Variants in ALPK1 observed in about 807,000 individuals in gnomAD.
ALPK1 encodes alpha kinase 1, also known as alpha-protein kinase 1.
ALPK1 carries 110 observed loss-of-function variants against 120.6 expected under a neutral mutation model. The ratio of observed to expected loss-of-function variants is 0.91; its 90% CI spans 0.78 to 1.07. The LOEUF (loss-of-function observed/expected upper bound fraction) is 1.07, where lower values mean the gene tolerates loss of function less well. Among genes scored for constraint, ALPK1 ranks in the 50% least tolerant of loss-of-function variants. The probability of loss-of-function intolerance (pLI) is 0.00; values close to 1 mark genes in which losing one functional copy is unlikely to be tolerated. For synonymous variants in ALPK1, 582 were observed against 560.3 expected, an observed-to-expected ratio of 1.04 and a Z score of -0.55; for missense variants, 1,498 against 1,483.9, an observed-to-expected ratio of 1.01 and a Z score of -0.16.
chr4:112,439,789 A>C lies in ALPK1; in HGVS notation c.3455A>C (p.Tyr1152Ser), dbSNP rs1734951301. The change falls in exon 14 of 16, where the codon TAC (tyrosine) becomes TCC (serine). Residue 1152 changes from tyrosine to serine, a missense_variant. By Grantham distance (144) the Tyr-to-Ser change is moderately radical. Transcript: ENST00000650871. ...SNNTKVVKTE[Y>S]KATEYGLAYG... is the part of the protein sequence containing the mutation. ...AACACGAAAGTGGTGAAAACAGAAT[A>C]CAAAGCCACAGAATATGGCTTGGCC... The C allele has an allele frequency of 6.2e-7, 1 of 1,613,576 alleles. No homozygotes were observed. Among genetic ancestry groups the C allele is most frequent in the South Asian group, 1.1e-5 (1 of 91,008 alleles).
At chr4:112,335,598 C>T (rs1729580839) in intron 2 of ALPK1, among the ~76,000 whole-genome samples, 1 of 152,156 alleles carries the variant, frequency 6.6e-6, no homozygotes, top group Admixed American at 6.5e-5. Context: ...TTCTGAGTAC[C>T]AGCTTTGAGA....
At chr4:112,352,238 T>C (rs1272781858) in intron 2 of ALPK1, among the ~76,000 whole-genome samples, 1 of 152,232 alleles carries the variant, frequency 6.6e-6, no homozygotes, top group Non-Finnish European at 1.5e-5. Flanking sequence ...TGGAACATGA[T>C]GAATACCCAA....
intron 2 of ALPK1, among the ~76,000 whole-genome samples, chr4:112,338,574 T>G (rs1217149086): frequency 2.0e-5 from 3 of 152,170 alleles, no homozygotes; most frequent in South Asian, 2.1e-4. Context: ...AGATGCTTAA[T>G]AAGTTTCAAA....
At chr4:112,391,289 A>G (rs1395405827) in intron 4 of ALPK1, among the ~76,000 whole-genome samples, 2 of 152,310 alleles carry the variant, frequency 1.3e-5, no homozygotes, top group East Asian at 3.9e-4. Flanking sequence ...TACTCCCTCA[A>G]CCTGAGAAGG....
At chr4:112,351,247 A>G (rs569384577) in intron 2 of ALPK1, among the ~76,000 whole-genome samples, 2 of 152,226 alleles carry the variant, frequency 1.3e-5, no homozygotes, top group East Asian at 1.9e-4. Context: ...TTGAGAAGTC[A>G]AGTTTGGTAA....
intron 2 of ALPK1, chr4:112,359,277 C>A (rs1730798715): frequency 4.0e-6 from 2 of 498,288 alleles, no homozygotes; most frequent in Admixed American, 3.0e-5. Flanking sequence ...GAGCGCCTAC[C>A]TGGAAGATGC....
chr4:112,356,750 C>A, intron 2 of ALPK1: 1 of 788,922 alleles, frequency 1.3e-6, no homozygotes, highest in Non-Finnish European at 2.3e-6. Context: ...CGGAGTATGC[C>A]CTTATTACCT....
intron 4 of ALPK1, among the ~76,000 whole-genome samples, chr4:112,396,566 GA>G (rs1302925403): frequency 6.6e-6 from 1 of 152,128 alleles, no homozygotes; most frequent in African/African-American, 2.4e-5. Flanking sequence ...AAATGTTAGT[GA>G]AGCTTAATTT....
chr4:112,382,289 CTTTTTTTTT>C (rs34345428), intron 3 of ALPK1, 100 bp from the exon 4 acceptor site: 615 of 670,128 alleles, frequency 9.2e-4, no homozygotes, highest in East Asian at 2.7e-3. Flanking sequence ...AGGTTTTTCT[CTTTTTTTTT>C]TTTTTTTTTT....
intron 4 of ALPK1, among the ~76,000 whole-genome samples, chr4:112,400,805 G>A (rs553195668): frequency 3.3e-5 from 5 of 152,318 alleles, no homozygotes; most frequent in Admixed American, 3.3e-4. Flanking sequence ...CCTGTTGCTG[G>A]CAGGAACTTT....
At chr4:112,349,734 T>C (rs1466143267) in intron 2 of ALPK1, among the ~76,000 whole-genome samples, 1 of 152,164 alleles carries the variant, frequency 6.6e-6, no homozygotes, top group Non-Finnish European at 1.5e-5. Flanking sequence ...TTTGTATTTT[T>C]AGTAGAGACA....
chr4:112,302,959 T>C (rs1727857580), intron 1 of ALPK1, among the ~76,000 whole-genome samples: 3 of 152,194 alleles, frequency 2.0e-5, no homozygotes, highest in Non-Finnish European at 4.4e-5. Flanking sequence ...CAAAGGCTGC[T>C]TTTTAGACTT....
At position 112,403,600 on chromosome 4, in the gene ALPK1, T is replaced by C. The variant is rs191229569; in HGVS notation, c.277-8227T>C. ...TCGTTTAGATTTTCCACAATGCTAT[T>C]GAAGTGCTTATTTTCCTCCTGAAGA... On this transcript the variant is annotated intron_variant, in intron 4 of 15. Transcript: ENST00000650871. 1.6e-3 allele frequency among the ~76,000 whole-genome samples: 246 copies of C among 152,318 alleles called. 1 individual carries two copies. The highest frequency in any genetic ancestry group is 1.8e-4 in the Non-Finnish European group (12 of 68,022).
chr4:112,393,106 A>G (rs1732495341), intron 4 of ALPK1, among the ~76,000 whole-genome samples: 1 of 152,244 alleles, frequency 6.6e-6, no homozygotes, highest in African/African-American at 2.4e-5. Flanking sequence ...AAGCAGAAAT[A>G]AGGAATTGCA....
In ALPK1 at chr4:112,358,951, T is replaced by C; in HGVS notation, c.-100-18727T>C. ...AGCCAGCTCCAGGGCTTCTACCAGTTTGTGCAGCCCCACCACAAGCAGCAG... is the reference window on the plus strand; with the variant it reads ...AGCCAGCTCCAGGGCTTCTACCAGTCTGTGCAGCCCCACCACAAGCAGCAG... On this transcript the variant is annotated intron_variant, in intron 2 of 15. Coordinates refer to ENST00000650871, the MANE Select transcript of ALPK1 (RefSeq NM_025144.4). 6 of 769,034 alleles carry C rather than the reference T, an allele frequency of 7.8e-6. No homozygotes were observed. In the South Asian group the frequency reaches 8.1e-5, roughly 10 times the overall value. The allele number at this position is 769,034 out of a possible 1,614,324, so 47.6% of individuals were successfully genotyped here. A position where few individuals can be genotyped will look rare whatever the true frequency, so the allele number is the denominator to read the frequency against.
chr4:112,307,465 T>C (rs537516409), intron 1 of ALPK1, among the ~76,000 whole-genome samples: 1 of 152,242 alleles, frequency 6.6e-6, no homozygotes, highest in East Asian at 1.9e-4. Flanking sequence ...TTTAGGATAG[T>C]TAGCTCTTCT....
At chr4:112,330,588 T>G (rs1729325831) in intron 2 of ALPK1, among the ~76,000 whole-genome samples, 1 of 152,238 alleles carries the variant, frequency 6.6e-6, no homozygotes, top group South Asian at 2.1e-4. Flanking sequence ...CTCCTGCTTC[T>G]TCCCTTTGAT....
intron 4 of ALPK1, among the ~76,000 whole-genome samples, chr4:112,395,807 A>G (rs1244526687): frequency 6.6e-6 from 1 of 152,216 alleles, no homozygotes; most frequent in Non-Finnish European, 1.5e-5. Context: ...TGTGTCAAAG[A>G]TGTGTAGATC....
rs934021382 is a variant in ALPK1, at chr4:112,430,584, C to T, written c.1037C>T (p.Thr346Ile). 2 of 1,614,156 alleles carry T rather than the reference C, an allele frequency of 1.2e-6. No individual in the cohort carries two copies. The highest frequency in any genetic ancestry group is 1.7e-5 in the Admixed American group (1 of 60,022). ...ACCAAGAGAGATGATGAGCCTGTTACTGGAAAACAGGAGCTTCACAGCTTT... is the reference window on the plus strand; with the variant it reads ...ACCAAGAGAGATGATGAGCCTGTTATTGGAAAACAGGAGCTTCACAGCTTT... ...LLTKRDDEPV[T>I]GKQELHSFVK... The change falls in exon 11 of 16, where the codon ACT becomes ATT. Residue 346 changes from threonine (T) to isoleucine (I), a missense_variant. Coordinates refer to ENST00000650871, the MANE Select transcript of ALPK1 (RefSeq NM_025144.4).
Sources: allele counts gnomAD v4.1 joint callset (sites outside exome capture counted in the v4.1 genomes callset), GRCh38; gene constraint gnomAD v4.1.1; transcripts MANE v1.5; gene names NCBI Gene and HGNC (gene_info 2026-07-23, HGNC 2026-07-21).